The following SLC30A10 variants were observed in gnomAD, a reference collection of about 807,000 sequenced individuals.
SLC30A10 encodes the protein calcium/manganese antiporter SLC30A10.
In SLC30A10, 8 loss-of-function variants were observed where a neutral mutation model predicts 21.7. The ratio of observed to expected loss-of-function variants is 0.37; its 90% CI spans 0.22 to 0.67. SLC30A10 has a LOEUF of 0.67. Among genes scored for constraint, SLC30A10 ranks in the 30% least tolerant of loss-of-function variants. SLC30A10 has a pLI of 0.58. For synonymous variants in SLC30A10, 272 were observed against 279.4 expected (o/e 0.97, Z 0.26); for missense variants, 521 against 642.5 (o/e 0.81, Z 2.04).
intron 2 of SLC30A10, among the ~76,000 whole-genome samples, chr1:219,922,988 T>G (rs190850920): frequency 2.0e-5 from 3 of 152,136 alleles, no homozygotes; most frequent in African/African-American, 4.8e-5. Flanking sequence ...TCACTACAGA[T>G]GTACATTAAA....
chr1:219,941,477 T>C (rs1013688910), intron 1 of SLC30A10, among the ~76,000 whole-genome samples: 3 of 150,538 alleles, frequency 2.0e-5, no homozygotes, highest in African/African-American at 7.5e-5. Context: ...ATTAAGGACC[T>C]TCCTTCCCTT....
intron 2 of SLC30A10, among the ~76,000 whole-genome samples, chr1:219,922,926 G>A (rs1253791730): frequency 6.6e-6 from 1 of 152,152 alleles, no homozygotes; most frequent in Non-Finnish European, 1.5e-5. Context: ...AAAAGGGAGA[G>A]GCAGAACTCA....
At chr1:219,923,814 C>T (rs1029794542) in intron 2 of SLC30A10, among the ~76,000 whole-genome samples, 1 of 152,330 alleles carries the variant, frequency 6.6e-6, no homozygotes, top group Non-Finnish European at 1.5e-5. Flanking sequence ...AATCCTAGCA[C>T]TTTGGGAGGC....
chr1:219,934,253 A>C (rs1660011624), intron 1 of SLC30A10, among the ~76,000 whole-genome samples: 1 of 152,144 alleles, frequency 6.6e-6, no homozygotes, highest in Admixed American at 6.5e-5. Flanking sequence ...GTGCCACTGC[A>C]CTCTAGCCTG....
intron 1 of SLC30A10, among the ~76,000 whole-genome samples, chr1:219,951,716 A>T (rs1394196501): frequency 1.1e-4 from 16 of 151,332 alleles, no homozygotes; most frequent in Non-Finnish European, 2.2e-4. Context: ...GTGAGACTCC[A>T]TCTCAAAAAA....
chr1:219,925,647 ATATATTTTT>A (rs1250166663), intron 2 of SLC30A10, among the ~76,000 whole-genome samples: 5 of 68,052 alleles, frequency 7.3e-5, no homozygotes, highest in Non-Finnish European at 1.2e-4. Flanking sequence ...ATATATATAT[ATATATTTTT>A]TTTTTTTTTT....
At chr1:219,953,860 C>T (rs1324112117) in intron 1 of SLC30A10, among the ~76,000 whole-genome samples, 5 of 151,606 alleles carry the variant, frequency 3.3e-5, no homozygotes, top group Non-Finnish European at 7.4e-5. Flanking sequence ...GCGCCTGCCA[C>T]CACGCCCGGC....
chr1:219,922,182 T>TG (rs1558252107), intron 2 of SLC30A10, among the ~76,000 whole-genome samples: 8 of 34,872 alleles, frequency 2.3e-4, no homozygotes, highest in Admixed American at 1.2e-3. Context: ...GTGTGTTTTT[T>TG]TTTTTTTTTT....
chr1:219,950,872 T>G (rs986994348), intron 1 of SLC30A10, among the ~76,000 whole-genome samples: 1 of 151,960 alleles, frequency 6.6e-6, no homozygotes, highest in Non-Finnish European at 1.5e-5. Flanking sequence ...GGTTTAAACC[T>G]AGGAGGTAGA....
At position 219,918,502 on chromosome 1, in the gene SLC30A10, G is replaced by A. The variant is rs1659600550; in HGVS notation, c.719-8C>T. ...TCACATGCAAAAGTACACCTGCCAG[G>A]AAGAAAGACTACTGCAGCACAGATG... On this transcript the variant is annotated splice_polypyrimidine_tract_variant and splice_region_variant and intron_variant, in intron 2 of 3. Transcript: ENST00000366926. The surrounding 1 kb of genome is among the most constrained non-coding windows in gnomAD (Gnocchi z 4.4). 1 of 1,587,050 alleles carries A rather than the reference G, an allele frequency of 6.3e-7. No individual in the cohort carries two copies. Among genetic ancestry groups the A allele is most frequent in the African/African-American group, 1.3e-5 (1 of 74,522 alleles).
Position 219,911,149 on chromosome 1 carries a change from GTTTTTTTTTTT to G in SLC30A10, c.*4289_*4299del. Among the ~76,000 whole-genome samples the G allele has an allele frequency of 4.7e-4, 23 of 49,424 alleles. No individual in the cohort carries two copies. The East Asian group carries it at 5.9e-3, about 13-fold the overall frequency. The allele number at this position is 49,424 out of a possible 152,430, so 32.4% of individuals were successfully genotyped here. The stretch of plus-strand genomic sequence containing the variant: ...ATGTTTCTTCATTTTTTCTACATCA[GTTTTTTTTTTT>G]TTTTTTTTTTTTTTGCAGTCTTTTA... On this transcript the variant is annotated 3_prime_UTR_variant, in exon 4 of 4. Coordinates refer to ENST00000366926, the MANE Select transcript of SLC30A10 (RefSeq NM_018713.3).
chr1:219,933,563 T>C (rs80225020), upstream of SLC30A10, among the ~76,000 whole-genome samples: 262 of 152,260 alleles, frequency 1.7e-3, 3 homozygotes, highest in East Asian at 0.043. Flanking sequence ...GGGATAATAA[T>C]AGTATCTACT....
chr1:219,952,718 A>G lies in SLC30A10; in HGVS notation n.80+5850T>C, dbSNP rs1001138860. ...CTCTATACTCTGACAAAGACTGACA[A>G]TGCACAGATGTCAATATAAACTCAT... On this transcript the variant is annotated intron_variant and non_coding_transcript_variant, in intron 1 of 8. Coordinates refer to the SLC30A10 transcript ENST00000484239. Among the ~76,000 whole-genome samples the G allele has an allele frequency of 7.2e-5, 11 of 152,332 alleles. No individual in the cohort carries two copies. In the East Asian group the frequency reaches 2.1e-3, roughly 29 times the overall value.
chr1:219,924,253 T>G (rs1282217555), intron 2 of SLC30A10, among the ~76,000 whole-genome samples: 1 of 152,176 alleles, frequency 6.6e-6, no homozygotes, highest in African/African-American at 2.4e-5. Flanking sequence ...ATATAACCAT[T>G]CAGTGGACTG....
chr1:219,953,468 A>AGGGT (rs1660299231), intron 1 of SLC30A10, among the ~76,000 whole-genome samples: 1 of 151,558 alleles, frequency 6.6e-6, no homozygotes, highest in African/African-American at 2.4e-5. Context: ...TGGTGGCACA[A>AGGGT]GCCTGTAATC....
chr1:219,926,915 A>G, intron 2 of SLC30A10, 113 bp downstream of exon 2: 1 of 769,160 alleles, frequency 1.3e-6, no homozygotes, highest in Non-Finnish European at 2.2e-6. Context: ...TATGCATGTA[A>G]CTGGCCTACT....
chr1:219,927,709 G>T (rs2102534845), intron 1 of SLC30A10, 92 bp downstream of exon 1: 16 of 955,240 alleles, frequency 1.7e-5, no homozygotes, highest in Non-Finnish European at 2.2e-5. Context: ...AAAGCATGCA[G>T]AAGAAAAAGA....
In SLC30A10 at chr1:219,912,170, C is replaced by CA. The variant is rs59792236; in HGVS notation, c.*3278dup. ...CCACTGGAATTTGCTCTACCAATGG[C>CA]AAAAAAAAAAAAAAAAAAAAAAAAA... On this transcript the variant is annotated 3_prime_UTR_variant, in exon 4 of 4. Coordinates refer to ENST00000366926, the MANE Select transcript of SLC30A10 (RefSeq NM_018713.3). Among the ~76,000 whole-genome samples, 13,408 of 74,472 alleles carry CA rather than the reference C, an allele frequency of 0.18. 1,937 individuals are homozygous for CA. Among genetic ancestry groups the CA allele is most frequent in the Non-Finnish European group, 0.24 (9,510 of 39,964 alleles). 48.9% of individuals were successfully genotyped at this position (74,472 alleles called of 152,430 possible).
chr1:219,958,282 A>C (rs553963697), intron 1 of SLC30A10, among the ~76,000 whole-genome samples: 230 of 152,282 alleles, frequency 1.5e-3, no homozygotes, highest in Middle Eastern at 6.8e-3. Context: ...TGTGGCTACG[A>C]TTAGTGCCTT....
Sources: allele counts gnomAD v4.1 joint callset (sites outside exome capture counted in the v4.1 genomes callset), GRCh38; gene constraint gnomAD v4.1.1; non-coding constraint Gnocchi (gnomAD v3.1); transcripts MANE v1.5; gene names NCBI Gene and HGNC (gene_info 2026-07-23, HGNC 2026-07-21).